The following CHD7 variants were observed in gnomAD, a reference collection of about 807,000 sequenced individuals.
The protein encoded by CHD7 is chromodomain helicase DNA binding protein 7.
Under a neutral mutation model 307.3 loss-of-function variants are expected in CHD7, and 24 were observed. That is an observed-to-expected ratio of 0.08 (90% CI 0.06 to 0.11). CHD7 has a LOEUF of 0.11. Among genes scored for constraint, CHD7 ranks in the 10% least tolerant of loss-of-function variants. The pLI, the probability that CHD7 is intolerant of heterozygous loss-of-function variation, is 1.00. For synonymous variants in CHD7, 1,363 were observed against 1,349.9 expected (o/e 1.01, Z -0.21); for missense variants, 3,106 against 3,727.1 (o/e 0.83, Z 4.34).
At chr8:60,774,792 G>T (rs557494959) in intron 2 of CHD7, among the ~76,000 whole-genome samples, 1 of 152,316 alleles carries the variant, frequency 6.6e-6, no homozygotes, top group East Asian at 1.9e-4. Context: ...AAAGGGTTTA[G>T]CATTGGCAGA....
At chr8:60,849,269 TC>T in intron 25 of CHD7, 115 bp downstream of exon 25, 1 of 584,504 alleles carries the variant, frequency 1.7e-6, no homozygotes, top group East Asian at 2.8e-5. Flanking sequence ...TCCAAAGGAC[TC>T]TTGGCGTCTA....
At chr8:60,695,021 G>T (rs961349812) in intron 1 of CHD7, among the ~76,000 whole-genome samples, 12 of 152,150 alleles carry the variant, frequency 7.9e-5, no homozygotes, top group African/African-American at 2.9e-4. Flanking sequence ...GCTAGGCGGG[G>T]AAAATGGACT....
intron 1 of CHD7, among the ~76,000 whole-genome samples, chr8:60,701,758 T>C (rs1806772107): frequency 6.6e-6 from 1 of 152,264 alleles, no homozygotes. Context: ...CCATGTGAAC[T>C]TATGAAATAT....
chr8:60,858,886 A>G (rs1805838519), intron 34 of CHD7, among the ~76,000 whole-genome samples: 1 of 152,238 alleles, frequency 6.6e-6, no homozygotes, highest in Admixed American at 6.5e-5. Context: ...CTGGGATTAC[A>G]GGCAATCATG....
At chr8:60,683,060 C>T (rs533368682) in intron 1 of CHD7, among the ~76,000 whole-genome samples, 1 of 152,176 alleles carries the variant, frequency 6.6e-6, no homozygotes, top group Admixed American at 6.5e-5. Flanking sequence ...GTCTTGTTCA[C>T]TCATGTGGGC....
At chr8:60,863,548 G>A (rs1360104798) in intron 37 of CHD7, 1 of 151,816 alleles carries the variant, frequency 6.6e-6, no homozygotes, top group Non-Finnish European at 1.5e-5. Context: ...TACAGGTTTT[G>A]GTGTGAACAT....
Position 60,830,351 on chromosome 8 carries a change from A to C in CHD7, c.3552A>C (p.Pro1184=). 6.2e-7 allele frequency: 1 copy of C among 1,613,686 alleles called. No homozygotes were observed. The highest frequency in any genetic ancestry group is 8.5e-7 in the Non-Finnish European group (1 of 1,179,810). ...AAAAACTTCAAGCTATTCTAAAGCC[A>C]ATGATGTTGAGACGTCTCAAAGAGG... The part of the protein sequence containing the change: ...QVQKLQAILK[P]MMLRRLKEDV... Residue 1184 remains proline (P), a synonymous_variant, in exon 15 of 38, where the codon CCA becomes CCC. Transcript: ENST00000423902.
chr8:60,833,470 A>T (rs1477488194), intron 15 of CHD7, among the ~76,000 whole-genome samples: 2 of 152,200 alleles, frequency 1.3e-5, no homozygotes, highest in Non-Finnish European at 1.5e-5. Context: ...AACACGAATG[A>T]GGCTTACGTG....
At chr8:60,786,976 T>C (rs961748181) in intron 3 of CHD7, among the ~76,000 whole-genome samples, 90 of 152,158 alleles carry the variant, frequency 5.9e-4, no homozygotes, top group African/African-American at 2.1e-3. Context: ...TAGAAGTCTA[T>C]GTGACTTAGC....
Position 60,836,128 on chromosome 8 carries a change from A to G in CHD7, c.3834A>G (p.Pro1278=), listed in dbSNP as rs1290435294. 6.2e-7 allele frequency: 1 copy of G among 1,613,562 alleles called. No homozygotes were observed. The part of the protein sequence containing the change: ...EFKETHNAES[P]DFQLQAMIQA... ...AAGAAACACACAATGCAGAGTCTCCAGATTTTCAGCTCCAGGCAATGATCC... is the reference window on the plus strand; with the variant it reads ...AAGAAACACACAATGCAGAGTCTCCGGATTTTCAGCTCCAGGCAATGATCC... The change falls in exon 16 of 38, where the codon CCA becomes CCG. Residue 1278 remains proline, a synonymous_variant. Transcript: ENST00000423902.
At chr8:60,701,009 G>C (rs1173831306) in intron 1 of CHD7, among the ~76,000 whole-genome samples, 1 of 152,206 alleles carries the variant, frequency 6.6e-6, no homozygotes, top group Non-Finnish European at 1.5e-5. Flanking sequence ...ATAACGTTAT[G>C]TTTGAGTTGG....
In CHD7 at chr8:60,865,189, T is replaced by G. The variant is rs3750308; in HGVS notation, c.8250T>G (p.Phe2750Leu). The change falls in exon 38 of 38, where the codon TTT becomes TTG. Residue 2750 changes from phenylalanine (F) to leucine (L), a missense_variant. Transcript: ENST00000423902. The surrounding 1 kb of genome is among the most constrained non-coding windows in gnomAD (Gnocchi z 4.3). The stretch of plus-strand genomic sequence containing the variant: ...ACCCTTTGCTGGTGAACAGCCTGTT[T>G]GCTGGAATGGACCTGACGAGCCTTC... ...GINPLLVNSLFAGMDLTSLQN... is the reference protein window; with the variant it reads ...GINPLLVNSLLAGMDLTSLQN... 376 of 1,612,044 alleles carry G rather than the reference T, an allele frequency of 2.3e-4. 3 individuals carry two copies. The East Asian group carries it at 7.1e-3, about 31-fold the overall frequency.
intron 34 of CHD7, among the ~76,000 whole-genome samples, chr8:60,860,491 G>A (rs781367387): frequency 1.2e-4 from 19 of 152,238 alleles, no homozygotes; most frequent in Non-Finnish European, 2.8e-4. Context: ...CTGGAGTGCA[G>A]TGGCACAGTC....
chr8:60,793,935 C>T (rs112039022), intron 3 of CHD7, among the ~76,000 whole-genome samples: 148 of 152,202 alleles, frequency 9.7e-4, no homozygotes, highest in Admixed American at 1.9e-3. Flanking sequence ...CCAGCATGAC[C>T]AACATGGTGA....
chr8:60,816,270 T>C, intron 7 of CHD7, 117 bp from the exon 8 acceptor site: 3 of 638,370 alleles, frequency 4.7e-6, no homozygotes. Flanking sequence ...TCAGCAGCCT[T>C]AATGGGTAAT....
intron 2 of CHD7, among the ~76,000 whole-genome samples, chr8:60,754,836 G>A (rs1410304396): frequency 6.6e-6 from 1 of 152,186 alleles, no homozygotes; most frequent in African/African-American, 2.4e-5. Flanking sequence ...CCTCTAGCAT[G>A]CAAGAAGTTC....
chr8:60,765,688 G>A (rs778311331), intron 2 of CHD7, among the ~76,000 whole-genome samples: 6 of 152,234 alleles, frequency 3.9e-5, no homozygotes, highest in Non-Finnish European at 2.9e-5. Flanking sequence ...GTGGAGAGGA[G>A]GACATGGGCC....
chr8:60,749,258 C>T (rs1809503584), intron 2 of CHD7, among the ~76,000 whole-genome samples: 1 of 148,144 alleles, frequency 6.8e-6, no homozygotes, highest in South Asian at 2.1e-4. Context: ...GAAATCCCAG[C>T]TACTTGGGAG....
chr8:60,865,736 T>C lies in CHD7; in HGVS notation c.8797T>C (p.Ser2933Pro). Residue 2933 changes from serine to proline, a missense_variant, in exon 38 of 38, where the codon TCC becomes CCC. Physicochemically the swap from Ser to Pro is moderately conservative, Grantham distance 74. This residue lies in a region of CHD7 where 351 missense variants were observed against 366.2 expected (regional missense o/e 0.96). Coordinates refer to ENST00000423902, the MANE Select transcript of CHD7 (RefSeq NM_017780.4). This position sits in a 1 kb window ranked among gnomAD's most constrained non-coding sequence, Gnocchi z 4.3. ...GGCAGGACTTCAGAATGCCGTGGGC[T>C]CCAGCGAAGAAAAGGCTGCTGACAA... Reference protein sequence around the residue: ...ALAGLQNAVGSSEEKAADKAE... With the variant: ...ALAGLQNAVGPSEEKAADKAE... 1 of 1,612,168 alleles carries C rather than the reference T, an allele frequency of 6.2e-7. No homozygotes were observed. Among genetic ancestry groups the C allele is most frequent in the Non-Finnish European group, 8.5e-7 (1 of 1,178,846 alleles).
Sources: allele counts gnomAD v4.1 joint callset (sites outside exome capture counted in the v4.1 genomes callset), GRCh38; gene constraint gnomAD v4.1.1; regional missense constraint gnomAD v4.1.1; non-coding constraint Gnocchi (gnomAD v3.1); transcripts MANE v1.5; gene names NCBI Gene and HGNC (gene_info 2026-07-23, HGNC 2026-07-21).